CTNND2: variants seen among roughly 807,000 people sequenced by gnomAD.
The protein encoded by CTNND2 is catenin delta 2.
Under a neutral mutation model 144.4 loss-of-function variants are expected in CTNND2, and 22 were observed. The ratio of observed to expected loss-of-function variants is 0.15; its 90% CI spans 0.11 to 0.22. CTNND2 has a LOEUF of 0.22. Ranked by LOEUF, CTNND2 falls within the 10% of genes least tolerant of loss-of-function variation. The pLI, the probability that CTNND2 is intolerant of heterozygous loss-of-function variation, is 1.00. For missense variants in CTNND2, 1,353 were observed against 1,618.8 expected (o/e 0.84, Z 2.82); for synonymous variants, 751 against 695.6 (o/e 1.08, Z -1.25).
intron 11 of CTNND2, among the ~76,000 whole-genome samples, chr5:11,169,216 C>T (rs1580475817): frequency 6.6e-6 from 1 of 152,108 alleles, no homozygotes; most frequent in Admixed American, 6.5e-5. Flanking sequence ...CTTATAAATA[C>T]CCTGCCTTCA....
At chr5:11,446,871 C>T (rs1227631973) in intron 3 of CTNND2, among the ~76,000 whole-genome samples, 4 of 152,036 alleles carry the variant, frequency 2.6e-5, no homozygotes, top group Admixed American at 6.6e-5. Context: ...GCACTAGGAG[C>T]AGGGGAGTGT....
At position 11,308,939 on chromosome 5, in the gene CTNND2, C is replaced by T. The variant is rs77626191; in HGVS notation, c.1628+37433G>A. ...AGGCACGTCTTACATGGTAGGAGCA[C>T]GAGGAAGAGGGCAAAGGGGAACGTG... On this transcript the variant is annotated intron_variant, in intron 9 of 21. Coordinates refer to ENST00000304623, the MANE Select transcript of CTNND2 (RefSeq NM_001332.4). Among the ~76,000 whole-genome samples the T allele has an allele frequency of 7.0e-4, 107 of 152,200 alleles. 1 individual carries two copies. The East Asian group carries it at 0.012, about 17-fold the overall frequency.
At chr5:11,667,934 T>C (rs1385392047) in intron 2 of CTNND2, among the ~76,000 whole-genome samples, 2 of 152,248 alleles carry the variant, frequency 1.3e-5, no homozygotes, top group South Asian at 2.1e-4. Flanking sequence ...CTTGACTTAA[T>C]TTTTGTATAA....
intron 3 of CTNND2, among the ~76,000 whole-genome samples, chr5:11,526,952 TA>T (rs1773306698): frequency 1.3e-5 from 2 of 152,182 alleles, no homozygotes; most frequent in Non-Finnish European, 2.9e-5. Context: ...AGATGAATCT[TA>T]ATGACATGCT....
chr5:11,013,846 C>T (rs1741336778), intron 18 of CTNND2, among the ~76,000 whole-genome samples: 1 of 152,166 alleles, frequency 6.6e-6, no homozygotes, highest in African/African-American at 2.4e-5. Flanking sequence ...GAGCTCTCAC[C>T]CCGGGGTGTG....
At chr5:11,870,824 A>G (rs570574804) in intron 1 of CTNND2, among the ~76,000 whole-genome samples, 188 of 152,310 alleles carry the variant, frequency 1.2e-3, no homozygotes, top group African/African-American at 4.3e-3. Context: ...CAGAGGACAA[A>G]CTTATTACCT....
intron 3 of CTNND2, among the ~76,000 whole-genome samples, chr5:11,497,519 T>TGGGGGGGGGGGGGGGGGGGG (rs1234235644): frequency 7.3e-5 from 1 of 13,744 alleles, no homozygotes; most frequent in Non-Finnish European, 1.6e-4. Context: ...TGCGGGGGGG[T>TGGGGGGGGGGGGGGGGGGGG]GGGGGGGGGC....
chr5:11,682,063 A>ATAG (rs1228560086), intron 2 of CTNND2, among the ~76,000 whole-genome samples: 1 of 152,174 alleles, frequency 6.6e-6, no homozygotes, highest in Non-Finnish European at 1.5e-5. Flanking sequence ...ACTGACTGGG[A>ATAG]GCAGCAACTG....
intron 1 of CTNND2, among the ~76,000 whole-genome samples, chr5:11,767,605 T>C (rs1006806568): frequency 6.6e-6 from 1 of 152,206 alleles, no homozygotes; most frequent in Non-Finnish European, 1.5e-5. Context: ...AATATAATGC[T>C]CAATAGCCCC....
intron 3 of CTNND2, among the ~76,000 whole-genome samples, chr5:11,537,121 C>G (rs920466795): frequency 6.6e-6 from 1 of 151,800 alleles, no homozygotes; most frequent in African/African-American, 2.4e-5. Context: ...CCCAATTTTA[C>G]AAACCACTGG....
chr5:11,751,275 T>C (rs1788602281), intron 1 of CTNND2, among the ~76,000 whole-genome samples: 1 of 151,816 alleles, frequency 6.6e-6, no homozygotes, highest in Non-Finnish European at 1.5e-5. Context: ...ATATGCAGGT[T>C]TGTAATATAG....
At chr5:11,896,776 T>G (rs531915938) in intron 1 of CTNND2, among the ~76,000 whole-genome samples, 1 of 152,180 alleles carries the variant, frequency 6.6e-6, no homozygotes, top group Non-Finnish European at 1.5e-5. Flanking sequence ...ACATTCAATA[T>G]AGTTATTTGC....
chr5:11,263,111 A>AGAACAC (rs1393218061), intron 9 of CTNND2, among the ~76,000 whole-genome samples: 44 of 152,216 alleles, frequency 2.9e-4, no homozygotes, highest in Non-Finnish European at 1.2e-4. Flanking sequence ...GTATGACAAG[A>AGAACAC]GAACACCTCT....
intron 1 of CTNND2, among the ~76,000 whole-genome samples, chr5:11,824,688 T>G (rs1793508864): frequency 6.6e-6 from 1 of 152,154 alleles, no homozygotes; most frequent in Non-Finnish European, 1.5e-5. Context: ...GAGGATAGGT[T>G]CTGTAAAACT....
chr5:11,424,924 G>A (rs1200729440), intron 3 of CTNND2, among the ~76,000 whole-genome samples: 1 of 152,168 alleles, frequency 6.6e-6, no homozygotes, highest in African/African-American at 2.4e-5. Context: ...CAGAGCTCAG[G>A]TGACCCTGCC....
intron 3 of CTNND2, among the ~76,000 whole-genome samples, chr5:11,492,794 G>A (rs931859076): frequency 3.4e-4 from 51 of 151,992 alleles, no homozygotes; most frequent in African/African-American, 1.1e-3. Context: ...GAAAAGGCTG[G>A]GTGTGGTGGC....
At chr5:11,210,329 C>A (rs1738502039) in intron 10 of CTNND2, among the ~76,000 whole-genome samples, 6 of 151,962 alleles carry the variant, frequency 3.9e-5, no homozygotes, top group Admixed American at 2.0e-4. Context: ...GCCCAGGGGG[C>A]AGAGGCTGCA....
intron 2 of CTNND2, among the ~76,000 whole-genome samples, chr5:11,678,258 T>C (rs767310962): frequency 3.3e-5 from 5 of 152,146 alleles, no homozygotes; most frequent in African/African-American, 4.8e-5. Context: ...GATAGAAATG[T>C]GTACTTATTT....
chr5:11,465,600 G>A (rs996299225), intron 3 of CTNND2, among the ~76,000 whole-genome samples: 1 of 152,166 alleles, frequency 6.6e-6, no homozygotes, highest in South Asian at 2.1e-4. Flanking sequence ...GTTCCTGATG[G>A]GTAATTATTT....
Sources: gnomAD v4.1 joint callset for allele counts (sites outside exome capture counted in the v4.1 genomes callset) on GRCh38, gnomAD v4.1.1 for gene constraint, MANE v1.5 for transcripts, NCBI Gene and HGNC (gene_info 2026-07-23, HGNC 2026-07-21) for gene names.